Variants in CRYGN observed in about 807,000 individuals in gnomAD.
CRYGN encodes the protein crystallin gamma N.
Under a neutral mutation model 19.2 loss-of-function variants are expected in CRYGN, and 17 were observed. The ratio of observed to expected loss-of-function variants is 0.89; its 90% confidence interval spans 0.61 to 1.33. CRYGN has a LOEUF of 1.33. Among genes scored for constraint, CRYGN ranks in the 40% most tolerant of loss-of-function variants. The probability of loss-of-function intolerance (pLI) is 0.00; values close to 1 mark genes in which losing one functional copy is unlikely to be tolerated. For missense variants in CRYGN, 239 were observed against 239.6 expected, an observed-to-expected ratio of 1.00 and a Z score of 0.02; for synonymous variants, 84 against 85.8, an observed-to-expected ratio of 0.98 and a Z score of 0.12.
At position 151,429,871 on chromosome 7, in the gene CRYGN, G is replaced by A. The variant is rs1801424512; in HGVS notation, c.*177C>T. The A allele has an allele frequency of 6.4e-6, 4 of 625,768 alleles. No individual in the cohort carries two copies. The South Asian group carries it at 7.6e-5, about 12-fold the overall frequency. The allele number at this position is 625,768 out of a possible 1,614,324, so 38.8% of individuals were successfully genotyped here. A position where few individuals can be genotyped will look rare whatever the true frequency, so the allele number is the denominator to read the frequency against. ...GGAGGGTTGGACGGCTGTTTCAGAA[G>A]AGACAGGGCCCTTGCCATGGGTGGG... On this transcript the variant is annotated 3_prime_UTR_variant, in exon 4 of 4. Transcript: ENST00000337323.
rs1046522701 is a variant in CRYGN at position 151,439,761 on chromosome 7, C to G, written c.21+136G>C. The stretch of plus-strand genomic sequence containing the variant: ...GGCCCCAGGCCAGTAGCGAGGCCAC[C>G]CCATTTTATTAAGAAATTAAACCAG... On this transcript the variant is annotated intron_variant, in intron 1 of 3. Coordinates refer to ENST00000337323, the MANE Select transcript of CRYGN (RefSeq NM_144727.3). The G allele has an allele frequency of 4.1e-6, 4 of 980,248 alleles. No individual in the cohort carries two copies. In the South Asian group the frequency reaches 7.6e-5, roughly 19 times the overall value. The allele number at this position is 980,248 out of a possible 1,614,324, so 60.7% of individuals were successfully genotyped here.
Position 151,430,070 on chromosome 7 carries a change from G to A in CRYGN, c.527C>T (p.Pro176Leu). The A allele has an allele frequency of 7.8e-7, 1 of 1,284,190 alleles. No individual in the cohort carries two copies. The highest frequency in any genetic ancestry group is 1.1e-6 in the Non-Finnish European group (1 of 878,628). The allele number at this position is 1,284,190 out of a possible 1,614,324, so 79.5% of individuals were successfully genotyped here. ...ATTKPATTQPPFLTANL is the reference protein window; with the variant it reads ...ATTKPATTQPLFLTANL ...GGCTCAGAGGTTTGCAGTCAGGAAA[G>A]GTGGCTGGGTTGTTGCTGGTTTTGT... Residue 176 changes from proline (P) to leucine (L), a missense_variant, in exon 4 of 4, where the codon CCT becomes CTT. Coordinates refer to ENST00000337323, the MANE Select transcript of CRYGN (RefSeq NM_144727.3). The surrounding 1 kb of genome is among the most constrained non-coding windows in gnomAD (Gnocchi z 5.2).
In CRYGN at chr7:151,436,444, C is replaced by A. The variant is rs1011526328; in HGVS notation, c.271-119G>T. ...GTACCCAAGGCACTGGGCACCCCCA[C>A]CCCACACACTTCAACCCCACACTTC... On this transcript the variant is annotated intron_variant, in intron 2 of 3. Coordinates refer to ENST00000337323, the MANE Select transcript of CRYGN (RefSeq NM_144727.3). This position sits in a 1 kb window ranked among gnomAD's most constrained non-coding sequence, Gnocchi z 5.1. 2.5e-6 allele frequency: 2 copies of A among 799,180 alleles called. No homozygotes were observed. The highest frequency in any genetic ancestry group is 6.1e-5 in the East Asian group (2 of 32,654). The allele number at this position is 799,180 out of a possible 1,614,324, so 49.5% of individuals were successfully genotyped here. A position where few individuals can be genotyped will look rare whatever the true frequency, so the allele number is the denominator to read the frequency against.
Position 151,436,463 on chromosome 7 carries a change from A to C in CRYGN, c.271-138T>G. 1.6e-6 allele frequency: 1 copy of C among 616,366 alleles called. No individual in the cohort carries two copies. Among genetic ancestry groups the C allele is most frequent in the Non-Finnish European group, 2.6e-6 (1 of 389,868 alleles). 38.2% of individuals were successfully genotyped at this position (616,366 alleles called of 1,614,324 possible). ...CCCCCACCCCACACACTTCAACCCC[A>C]CACTTCTGTTTGTTCTTCCACATGA... On this transcript the variant is annotated intron_variant, in intron 2 of 3. Coordinates refer to ENST00000337323, the MANE Select transcript of CRYGN (RefSeq NM_144727.3). This position sits in a 1 kb window ranked among gnomAD's most constrained non-coding sequence, Gnocchi z 5.1.
chr7:151,437,983 C>T lies in CRYGN; in HGVS notation c.270+13G>A, dbSNP rs1487225077. The T allele has an allele frequency of 1.4e-5, 22 of 1,611,524 alleles. No homozygotes were observed. The highest frequency in any genetic ancestry group is 2.2e-5 in the South Asian group (2 of 91,088). On this transcript the variant is annotated intron_variant, in intron 2 of 3. Coordinates refer to ENST00000337323, the MANE Select transcript of CRYGN (RefSeq NM_144727.3). ...GCAGGAAGACTCAGCCTTCGGTGGA[C>T]GGGCCCACTCACCATTCCTACAGGC...
In CRYGN at chr7:151,438,009, C is replaced by T. The variant is rs148445096; in HGVS notation, c.257G>A (p.Arg86Gln). 6.2e-5 allele frequency: 100 copies of T among 1,613,264 alleles called. No homozygotes were observed. The highest frequency in any genetic ancestry group is 8.0e-5 in the African/African-American group (6 of 74,938). Residue 86 changes from arginine (R) to glutamine (Q), a missense_variant, in exon 2 of 4, where the codon CGG becomes CAG. Transcript: ENST00000337323. Reference sequence around the variant, plus strand: ...GGGCCCACTCACCATTCCTACAGGCCGACAGGAGCCCATGTGGTCACTGTG... The same window carrying T: ...GGGCCCACTCACCATTCCTACAGGCTGACAGGAGCCCATGTGGTCACTGTG... ...NSHSDHMGSC[R>Q]PVGMHGEHFR...
chr7:151,437,306 C>T (rs1214741824), intron 2 of CRYGN, among the ~76,000 whole-genome samples: 1 of 152,278 alleles, frequency 6.6e-6, no homozygotes, highest in African/African-American at 2.4e-5. Context: ...GAGAGATGCA[C>T]GCCCCCAGGC....
intron 3 of CRYGN, chr7:151,432,172 T>C (rs1801485199): frequency 8.1e-7 from 1 of 1,231,308 alleles, no homozygotes; most frequent in South Asian, 4.1e-5. Context: ...GACCACCTTG[T>C]GGAGCGACTG....
chr7:151,439,764 A>G (rs1377296520), intron 1 of CRYGN, 133 bp downstream of exon 1: 1 of 1,033,558 alleles, frequency 9.7e-7, no homozygotes, highest in African/African-American at 1.7e-5. Flanking sequence ...AGGCCACCCC[A>G]TTTTATTAAG....
At chr7:151,438,981 C>T (rs927605777) in intron 1 of CRYGN, 1 of 152,252 alleles carries the variant, frequency 6.6e-6, no homozygotes, top group Non-Finnish European at 1.5e-5. Flanking sequence ...CCGCCAGACT[C>T]ATTTCCTGCT....
At chr7:151,432,065 C>T (rs939243418) in intron 3 of CRYGN, 2 of 600,714 alleles carry the variant, frequency 3.3e-6, no homozygotes, top group African/African-American at 3.8e-5. Context: ...CTTTTATCGC[C>T]CAAGGTCCCG....
chr7:151,437,966 ACT>A, intron 2 of CRYGN, 28 bp downstream of exon 2: 1 of 1,609,256 alleles, frequency 6.2e-7, no homozygotes. Flanking sequence ...CAGCAGGAAG[ACT>A]CAGCCTTCGG....
rs1801614929 is a variant in CRYGN, at chr7:151,436,626, G to C, written c.271-301C>G. Among the ~76,000 whole-genome samples, 1 of 152,200 alleles carries C rather than the reference G, an allele frequency of 6.6e-6. No homozygotes were observed. The highest frequency in any genetic ancestry group is 2.4e-5 in the African/African-American group (1 of 41,442). On this transcript the variant is annotated intron_variant, in intron 2 of 3. Coordinates refer to ENST00000337323, the MANE Select transcript of CRYGN (RefSeq NM_144727.3). This position sits in a 1 kb window ranked among gnomAD's most constrained non-coding sequence, Gnocchi z 5.1. ...GACCAGAGGCCAGCGGTCACACTCA[G>C]ACCAGGGCTGGGGTCACGGGGCTCC...
At position 151,430,414 on chromosome 7, in the gene CRYGN, G is replaced by A. The variant is rs1283354472; in HGVS notation, c.417-234C>T. ...GTCTTTGCCACCCAGCTCTTGGTGG[G>A]GAATTGTCTTGGGTGAATTGGGTGA... On this transcript the variant is annotated intron_variant, in intron 3 of 3. Coordinates refer to ENST00000337323, the MANE Select transcript of CRYGN (RefSeq NM_144727.3). This position sits in a 1 kb window ranked among gnomAD's most constrained non-coding sequence, Gnocchi z 5.2. 6.6e-6 allele frequency among the ~76,000 whole-genome samples: 1 copy of A among 152,116 alleles called. No homozygotes were observed. Among genetic ancestry groups the A allele is most frequent in the African/African-American group, 2.4e-5 (1 of 41,430 alleles).
Position 151,431,682 on chromosome 7 carries a change from C to T in CRYGN, c.417-1502G>A, listed in dbSNP as rs920964377. The stretch of plus-strand genomic sequence containing the variant: ...TCTCTCTCGCAGGAGAGGGGTCTGC[C>T]CTGGGTCGAAACCATCCTTCCAGAG... On this transcript the variant is annotated intron_variant, in intron 3 of 3. Coordinates refer to ENST00000337323, the MANE Select transcript of CRYGN (RefSeq NM_144727.3). This position sits in a 1 kb window ranked among gnomAD's most constrained non-coding sequence, Gnocchi z 4.8. 1 of 152,682 alleles carries T rather than the reference C, an allele frequency of 6.5e-6. No individual in the cohort carries two copies. The highest frequency in any genetic ancestry group is 2.4e-5 in the African/African-American group (1 of 41,474). The allele number at this position is 152,682 out of a possible 1,614,324, so 9.5% of individuals were successfully genotyped here.
In CRYGN at chr7:151,438,013, A is replaced by G. The variant is rs1801662142; in HGVS notation, c.253T>C (p.Cys85Arg). The G allele has an allele frequency of 1.2e-6, 2 of 1,613,522 alleles. No homozygotes were observed. The highest frequency in any genetic ancestry group is 1.7e-5 in the Admixed American group (1 of 60,000). Residue 85 changes from cysteine to arginine, a missense_variant, in exon 2 of 4, where the codon TGT becomes CGT. By Grantham distance (180) the Cys-to-Arg change is radical (BLOSUM62 -3). Coordinates refer to ENST00000337323, the MANE Select transcript of CRYGN (RefSeq NM_144727.3). ...WNSHSDHMGSCRPVGMHGEHF... is the reference protein window; with the variant it reads ...WNSHSDHMGSRRPVGMHGEHF... ...CCACTCACCATTCCTACAGGCCGAC[A>G]GGAGCCCATGTGGTCACTGTGGCTG...
Position 151,431,419 on chromosome 7 carries a change from GGACCCA to G in CRYGN, c.417-1245_417-1240del, listed in dbSNP as rs1351339127. ...TAGATTCAAGCCCACCCCAACAGGA[GGACCCA>G]GTGTCCTGGAGAGGGCCCAGGAATG... is the stretch of plus-strand genomic sequence containing the variant. On this transcript the variant is annotated intron_variant, in intron 3 of 3. Transcript: ENST00000337323. This position sits in a 1 kb window ranked among gnomAD's most constrained non-coding sequence, Gnocchi z 4.8. Among the ~76,000 whole-genome samples the G allele has an allele frequency of 6.6e-6, 1 of 152,156 alleles. No individual in the cohort carries two copies. Among genetic ancestry groups the G allele is most frequent in the African/African-American group, 2.4e-5 (1 of 41,430 alleles).
At chr7:151,437,549 C>T (rs960625717) in intron 2 of CRYGN, among the ~76,000 whole-genome samples, 9 of 152,148 alleles carry the variant, frequency 5.9e-5, no homozygotes, top group Middle Eastern at 3.2e-3. Context: ...CCCTGACAGG[C>T]GGGTGATTCT....
chr7:151,431,254 C>A lies in CRYGN; in HGVS notation c.417-1074G>T, dbSNP rs1416980240. 6.6e-6 allele frequency among the ~76,000 whole-genome samples: 1 copy of A among 152,118 alleles called. No homozygotes were observed. The highest frequency in any genetic ancestry group is 1.5e-5 in the Non-Finnish European group (1 of 67,988). Reference sequence around the variant, plus strand: ...CTCCCCAGTGAGTTGGAAGCATAGGCGTGGGTGGGGAGGGAGTGGGGGGAT... The same window carrying A: ...CTCCCCAGTGAGTTGGAAGCATAGGAGTGGGTGGGGAGGGAGTGGGGGGAT... On this transcript the variant is annotated intron_variant, in intron 3 of 3. Transcript: ENST00000337323. The surrounding 1 kb of genome is among the most constrained non-coding windows in gnomAD (Gnocchi z 4.8).
Sources: allele counts gnomAD v4.1 joint callset (sites outside exome capture counted in the v4.1 genomes callset), GRCh38; gene constraint gnomAD v4.1.1; non-coding constraint Gnocchi (gnomAD v3.1); transcripts MANE v1.5; gene names NCBI Gene and HGNC (gene_info 2026-07-23, HGNC 2026-07-21).